The following STIM2 variants were observed in gnomAD, a reference collection of about 807,000 sequenced individuals.
STIM2 encodes the protein stromal interaction molecule 2.
Under a neutral mutation model 85.8 loss-of-function variants are expected in STIM2, and 31 were observed. The ratio of observed to expected loss-of-function variants is 0.36; its 90% confidence interval spans 0.27 to 0.49. The LOEUF (loss-of-function observed/expected upper bound fraction) is 0.49. Among genes scored for constraint, STIM2 ranks in the 20% least tolerant of loss-of-function variants. The pLI is 0.98. For synonymous variants in STIM2, 356 were observed against 331.1 expected, an observed-to-expected ratio of 1.08 and a Z score of -0.82; for missense variants, 841 against 927.6, an observed-to-expected ratio of 0.91 and a Z score of 1.21.
At chr4:26,862,326 T>C (rs1014140252) in intron 1 of STIM2, among the ~76,000 whole-genome samples, 12 of 152,166 alleles carry the variant, frequency 7.9e-5, no homozygotes, top group African/African-American at 2.9e-4. Flanking sequence ...TGGTTTTTTT[T>C]TTTTTTTTTA....
At chr4:26,928,108 T>C (rs1725050155) in intron 2 of STIM2, among the ~76,000 whole-genome samples, 2 of 151,888 alleles carry the variant, frequency 1.3e-5, no homozygotes, top group Admixed American at 6.6e-5. Flanking sequence ...GGGGTGGAAG[T>C]AGAAGGCCCA....
intron 10 of STIM2, among the ~76,000 whole-genome samples, chr4:27,016,961 T>C (rs6448489): frequency 0.96 from 146,834 of 152,314 alleles, 70,885 homozygotes; most frequent in East Asian, 1. Flanking sequence ...AGCCACCCAC[T>C]TTTTGTTCTG....
At chr4:26,971,956 A>G (rs1379052290) in intron 3 of STIM2, among the ~76,000 whole-genome samples, 1 of 152,136 alleles carries the variant, frequency 6.6e-6, no homozygotes, top group Non-Finnish European at 1.5e-5. Flanking sequence ...GGTCCTTCCC[A>G]TCCCTTGTAA....
At chr4:26,977,834 G>A (rs1727251529) in intron 3 of STIM2, among the ~76,000 whole-genome samples, 1 of 152,184 alleles carries the variant, frequency 6.6e-6, no homozygotes, top group Non-Finnish European at 1.5e-5. Flanking sequence ...ACTGAGTGCT[G>A]TGAGGTCAAG....
In STIM2 at chr4:26,997,266, A is replaced by G. The variant is rs371529839; in HGVS notation, c.509+1776A>G. On this transcript the variant is annotated intron_variant, in intron 4 of 11. Transcript: ENST00000467087. ...TATAAGAAAATGTATTACATATTCT[A>G]TAGATAGTTGGCCTACAACAGTCCA... 4.3e-4 allele frequency among the ~76,000 whole-genome samples: 66 copies of G among 152,342 alleles called. 1 individual carries two copies. Among genetic ancestry groups the G allele is most frequent in the African/African-American group, 1.5e-3 (62 of 41,594 alleles).
At chr4:26,899,048 AC>A (rs1168525821) in intron 1 of STIM2, among the ~76,000 whole-genome samples, 1 of 151,444 alleles carries the variant, frequency 6.6e-6, no homozygotes, top group Non-Finnish European at 1.5e-5. Context: ...AGATAATACA[AC>A]CCTTCTCTTG....
At chr4:26,942,499 TCTC>T (rs1428976923) in intron 2 of STIM2, among the ~76,000 whole-genome samples, 1 of 152,140 alleles carries the variant, frequency 6.6e-6, no homozygotes, top group Non-Finnish European at 1.5e-5. Flanking sequence ...GTACTGTTTC[TCTC>T]CTCTTGTTTT....
chr4:26,909,829 C>T (rs964126812), intron 1 of STIM2, among the ~76,000 whole-genome samples: 1 of 152,208 alleles, frequency 6.6e-6, no homozygotes, highest in Admixed American at 6.5e-5. Flanking sequence ...CAAAGCTCTT[C>T]CGCTGCTCTG....
In STIM2 at chr4:26,873,811, G is replaced by C; in HGVS notation, c.151+12442G>C. On this transcript the variant is annotated intron_variant, in intron 1 of 11. Coordinates refer to ENST00000467087, the MANE Select transcript of STIM2 (RefSeq NM_020860.4). ...TGTCAAGGGGTAAGGGGCTCTACAA[G>C]GCAGACTCCCGCCTCAACCGCCGTA... 3.5e-6 allele frequency: 3 copies of C among 867,576 alleles called. No homozygotes were observed. The South Asian group carries it at 4.0e-5, about 12-fold the overall frequency. The allele number at this position is 867,576 out of a possible 1,614,324, so 53.7% of individuals were successfully genotyped here.
chr4:26,898,094 A>G (rs1181863693), intron 1 of STIM2, among the ~76,000 whole-genome samples: 1 of 152,198 alleles, frequency 6.6e-6, no homozygotes, highest in Non-Finnish European at 1.5e-5. Context: ...AAAATGGTTG[A>G]TGGAAATGAG....
intron 1 of STIM2, chr4:26,874,005 C>T (rs1390973930): frequency 3.6e-6 from 3 of 828,594 alleles, no homozygotes; most frequent in Non-Finnish European, 6.2e-6. Flanking sequence ...CTCCTCCTGG[C>T]CTTCACCTGA....
chr4:26,994,598 TA>T (rs559346217), intron 3 of STIM2, among the ~76,000 whole-genome samples: 1 of 152,086 alleles, frequency 6.6e-6, no homozygotes, highest in Non-Finnish European at 1.5e-5. Flanking sequence ...AACAACATTC[TA>T]AAAAAAGATT....
At chr4:26,889,387 A>T (rs979311273) in intron 1 of STIM2, among the ~76,000 whole-genome samples, 2 of 152,222 alleles carry the variant, frequency 1.3e-5, no homozygotes, top group African/African-American at 4.8e-5. Context: ...GTTACACTTC[A>T]TGTGCTGTAA....
Position 26,970,399 on chromosome 4 carries a change from C to T in STIM2, c.397+12673C>T, listed in dbSNP as rs998717459. The stretch of plus-strand genomic sequence containing the variant: ...CCTAATGCTATCCCTCCCCTAGCCC[C>T]CTACCCCCTCACAGGCCCCTGTGTG... On this transcript the variant is annotated intron_variant, in intron 3 of 11. Transcript: ENST00000467087. Among the ~76,000 whole-genome samples, 12 of 152,030 alleles carry T rather than the reference C, an allele frequency of 7.9e-5. No individual in the cohort carries two copies. In the South Asian group the frequency reaches 8.3e-4, roughly 11 times the overall value.
chr4:26,947,829 G>A (rs1378746634), intron 2 of STIM2, among the ~76,000 whole-genome samples: 1 of 152,046 alleles, frequency 6.6e-6, no homozygotes, highest in Non-Finnish European at 1.5e-5. Context: ...AATAAAAGTT[G>A]TTCCAGAGGC....
At chr4:26,912,634 A>G (rs1209286717) in intron 1 of STIM2, among the ~76,000 whole-genome samples, 1 of 152,142 alleles carries the variant, frequency 6.6e-6, no homozygotes, top group Non-Finnish European at 1.5e-5. Flanking sequence ...TTAGGCCTGA[A>G]ATGCCAGTCA....
chr4:27,013,264 G>A (rs1485213034), intron 10 of STIM2, among the ~76,000 whole-genome samples: 1 of 150,770 alleles, frequency 6.6e-6, no homozygotes, highest in Non-Finnish European at 1.5e-5. Flanking sequence ...GTGGGGGTGG[G>A]GGGAAACCGC....
intron 1 of STIM2, among the ~76,000 whole-genome samples, chr4:26,910,903 G>A (rs909386322): frequency 1.3e-5 from 2 of 152,116 alleles, no homozygotes; most frequent in Non-Finnish European, 2.9e-5. Context: ...CTGGAAGGTG[G>A]GAAGGGACCT....
chr4:27,017,814 T>A lies in STIM2; in HGVS notation c.1593T>A (p.Leu531=). ...CGCCTCAGCCTCAGCGAGCTCAGCT[T>A]GCTCCACACGCCCCCCACCCGTCAC... is the stretch of plus-strand genomic sequence containing the variant. The change falls in exon 11 of 12, where the codon CTT becomes CTA. Residue 531 remains leucine (L), a synonymous_variant. Coordinates refer to ENST00000467087, the MANE Select transcript of STIM2 (RefSeq NM_020860.4). 2 of 1,614,122 alleles carry A rather than the reference T, an allele frequency of 1.2e-6. No individual in the cohort carries two copies. The highest frequency in any genetic ancestry group is 1.7e-6 in the Non-Finnish European group (2 of 1,180,014).
Sources: allele counts gnomAD v4.1 joint callset (sites outside exome capture counted in the v4.1 genomes callset), GRCh38; gene constraint gnomAD v4.1.1; transcripts MANE v1.5; gene names NCBI Gene and HGNC (gene_info 2026-07-23, HGNC 2026-07-21).